The following NAV2 variants were observed in gnomAD, a reference collection of about 807,000 sequenced individuals.
NAV2 encodes helicase, APC down-regulated 1.
In NAV2, 54 loss-of-function variants were observed where a neutral mutation model predicts 223.2. The ratio of observed to expected loss-of-function variants is 0.24; its 90% CI spans 0.19 to 0.30. The LOEUF is 0.30. Ranked by LOEUF, NAV2 falls within the 10% of genes least tolerant of loss-of-function variation. NAV2 has a pLI of 1.00. For synonymous variants in NAV2, 1,279 were observed against 1,239.3 expected, an observed-to-expected ratio of 1.03 and a Z score of -0.67; for missense variants, 2,806 against 3,147.5, an observed-to-expected ratio of 0.89 and a Z score of 2.60.
At chr11:19,690,031 C>T (rs899273149) in intron 1 of NAV2, among the ~76,000 whole-genome samples, 23 of 152,128 alleles carry the variant, frequency 1.5e-4, no homozygotes, top group African/African-American at 4.8e-4. Flanking sequence ...AGTGCAATGG[C>T]GTGATCTAGG....
chr11:19,456,744 G>T (rs907178712), intron 1 of NAV2, among the ~76,000 whole-genome samples: 1 of 152,304 alleles, frequency 6.6e-6, no homozygotes, highest in Admixed American at 6.5e-5. Flanking sequence ...AACCCAGGTC[G>T]TCTGACCCCA....
At chr11:19,385,837 C>T (rs1849020598) in intron 1 of NAV2, among the ~76,000 whole-genome samples, 1 of 146,204 alleles carries the variant, frequency 6.8e-6, no homozygotes, top group South Asian at 2.2e-4. Flanking sequence ...TCTCGGCTCA[C>T]TGCAAGCTCC....
chr11:19,611,853 C>T (rs938263951), intron 1 of NAV2, among the ~76,000 whole-genome samples: 7 of 152,252 alleles, frequency 4.6e-5, no homozygotes, highest in African/African-American at 1.7e-4. Context: ...GCCCTCTTCT[C>T]ACAGCTACAC....
intron 11 of NAV2, among the ~76,000 whole-genome samples, chr11:20,013,742 A>T (rs1245529052): frequency 6.6e-6 from 1 of 152,150 alleles, no homozygotes; most frequent in Non-Finnish European, 1.5e-5. Flanking sequence ...CCAGTAGGGG[A>T]CAGATGGATC....
At chr11:19,645,585 A>C (rs1156990009) in intron 1 of NAV2, among the ~76,000 whole-genome samples, 1 of 152,126 alleles carries the variant, frequency 6.6e-6, no homozygotes, top group African/African-American at 2.4e-5. Flanking sequence ...GGCAACTAAC[A>C]ACATGTAGAG....
At chr11:19,668,060 A>C (rs2048466963) in intron 1 of NAV2, among the ~76,000 whole-genome samples, 1 of 152,066 alleles carries the variant, frequency 6.6e-6, no homozygotes, top group Non-Finnish European at 1.5e-5. Context: ...CTCTCCCTCT[A>C]TTCCCAGGTC....
chr11:19,391,029 GA>G (rs946391349), intron 1 of NAV2, among the ~76,000 whole-genome samples: 8 of 152,180 alleles, frequency 5.3e-5, no homozygotes, highest in African/African-American at 1.9e-4. Context: ...AGGCAGAAAA[GA>G]TAAATAATTT....
chr11:19,728,493 A>G (rs184278445), intron 1 of NAV2, among the ~76,000 whole-genome samples: 6 of 152,282 alleles, frequency 3.9e-5, no homozygotes, highest in African/African-American at 1.4e-4. Context: ...AGGATAGTGA[A>G]GTGGAAAAGA....
intron 1 of NAV2, among the ~76,000 whole-genome samples, chr11:19,443,959 C>T (rs908829541): frequency 1.3e-5 from 2 of 152,066 alleles, no homozygotes; most frequent in African/African-American, 2.4e-5. Flanking sequence ...GAGACGGAGT[C>T]TTGTTCTGTT....
intron 20 of NAV2, among the ~76,000 whole-genome samples, chr11:20,065,098 A>T (rs1185106188): frequency 6.6e-6 from 1 of 152,144 alleles, no homozygotes; most frequent in Admixed American, 6.5e-5. Context: ...TTCAAGAAAA[A>T]CTACAAGTCT....
At chr11:19,657,117 T>A (rs1444947598) in intron 1 of NAV2, among the ~76,000 whole-genome samples, 7 of 151,484 alleles carry the variant, frequency 4.6e-5, no homozygotes, top group South Asian at 2.1e-4. Context: ...GAGGGGAGAG[T>A]TTGAGGCTGG....
chr11:19,403,968 T>A (rs1849788509), intron 1 of NAV2, among the ~76,000 whole-genome samples: 2 of 151,768 alleles, frequency 1.3e-5, no homozygotes. Flanking sequence ...AGAGAAACAG[T>A]CGTCTGCAAA....
chr11:19,907,166 A>G (rs1019842319), intron 6 of NAV2, among the ~76,000 whole-genome samples: 2 of 152,200 alleles, frequency 1.3e-5, no homozygotes, highest in Non-Finnish European at 2.9e-5. Flanking sequence ...TGAATCAATG[A>G]TTTCATAAGT....
intron 1 of NAV2, among the ~76,000 whole-genome samples, chr11:19,544,460 A>G (rs1590468139): frequency 6.6e-6 from 1 of 152,204 alleles, no homozygotes. Flanking sequence ...CTGAGTAGGC[A>G]TCAAGGCCTG....
chr11:19,477,043 G>C (rs1262162513), intron 1 of NAV2, among the ~76,000 whole-genome samples: 1 of 152,138 alleles, frequency 6.6e-6, no homozygotes, highest in African/African-American at 2.4e-5. Context: ...ATTCCCAAGG[G>C]GTCCTTTGCC....
chr11:20,064,555 G>C (rs1257571456), intron 20 of NAV2, among the ~76,000 whole-genome samples: 1 of 151,972 alleles, frequency 6.6e-6, no homozygotes, highest in Non-Finnish European at 1.5e-5. Context: ...AAGAGCTTAA[G>C]CTTCTCAACC....
rs191316734 is a variant in NAV2, at chr11:19,544,251, A to G, written c.75+193224A>G. 4.7e-4 allele frequency among the ~76,000 whole-genome samples: 71 copies of G among 152,278 alleles called. No individual in the cohort carries two copies. In the East Asian group the frequency reaches 7.9e-3, roughly 17 times the overall value. On this transcript the variant is annotated intron_variant, in intron 1 of 37. Transcript: ENST00000360655. ...AGAACGAGATGGACTTTGGTCCTAG[A>G]CTCTCTTGACTCTAATCTCGAGTTC... is the stretch of plus-strand genomic sequence containing the variant.
Position 20,101,026 on chromosome 11 carries a change from C to T in NAV2, c.6271C>T (p.His2091Tyr). 4 of 1,614,170 alleles carry T rather than the reference C, an allele frequency of 2.5e-6. No individual in the cohort carries two copies. Among genetic ancestry groups the T allele is most frequent in the Non-Finnish European group, 3.4e-6 (4 of 1,180,036 alleles). Residue 2091 changes from histidine to tyrosine, a missense_variant, in exon 32 of 38, where the codon CAC becomes TAC. Around this residue, in one of 4 missense-constraint regions of NAV2, gnomAD observed 824 missense variants for 1,069.4 expected, o/e 0.77. Transcript: ENST00000349880. The stretch of plus-strand genomic sequence containing the variant: ...GCGCTACGTCTCCCTCCTGATAGAG[C>T]ACCGTCGGATCATTCTCTCTGGCCC... ...LQRYVSLLIE[H>Y]RRIILSGPSG...
At chr11:19,903,043 C>T (rs185759665) in intron 6 of NAV2, among the ~76,000 whole-genome samples, 31 of 152,194 alleles carry the variant, frequency 2.0e-4, no homozygotes, top group Admixed American at 3.9e-4. Flanking sequence ...CTCTCTGGGC[C>T]GAGGACATGA....
Sources: allele counts gnomAD v4.1 joint callset (sites outside exome capture counted in the v4.1 genomes callset), GRCh38; gene constraint gnomAD v4.1.1; regional missense constraint gnomAD v4.1.1; transcripts MANE v1.5; gene names NCBI Gene and HGNC (gene_info 2026-07-23, HGNC 2026-07-21).